Variants in ERCC6L2 observed in about 807,000 individuals in gnomAD.
ERCC6L2 encodes the protein DNA excision repair protein ERCC-6-like 2.
Under a neutral mutation model 132.0 loss-of-function variants are expected in ERCC6L2, and 77 were observed. The ratio of observed to expected loss-of-function variants is 0.58; its 90% CI spans 0.49 to 0.71. The LOEUF (loss-of-function observed/expected upper bound fraction) is 0.71. Among genes scored for constraint, ERCC6L2 ranks in the 30% least tolerant of loss-of-function variants. The pLI is 0.00. For missense variants in ERCC6L2, 1,542 were observed against 1,837.6 expected, an observed-to-expected ratio of 0.84 and a Z score of 2.94; for synonymous variants, 583 against 632.4, an observed-to-expected ratio of 0.92 and a Z score of 1.17.
At chr9:95,944,547 T>C (rs932045139) in intron 12 of ERCC6L2, among the ~76,000 whole-genome samples, 5 of 152,188 alleles carry the variant, frequency 3.3e-5, no homozygotes, top group African/African-American at 1.2e-4. Context: ...CAATTAATTT[T>C]AAAAGCCACC....
chr9:96,016,331 CCA>C lies in ERCC6L2; in HGVS notation c.*3131_*3132del, dbSNP rs1040801279. On this transcript the variant is annotated 3_prime_UTR_variant, in exon 19 of 19. Coordinates refer to ENST00000653738, the MANE Select transcript of ERCC6L2 (RefSeq NM_020207.7). Reference sequence around the variant, plus strand: ...GCTCCATGGAGCACTAATTTGAAAACCACAGAGATGAGATCATTTCTAAGAAA... The same window carrying C: ...GCTCCATGGAGCACTAATTTGAAAACCAGAGATGAGATCATTTCTAAGAAA... 2.0e-5 allele frequency among the ~76,000 whole-genome samples: 3 copies of C among 152,228 alleles called. No homozygotes were observed. Among genetic ancestry groups the C allele is most frequent in the Admixed American group, 6.5e-5 (1 of 15,282 alleles).
chr9:96,038,718 C>G (rs1334031062), intron 19 of ERCC6L2, among the ~76,000 whole-genome samples: 1 of 152,198 alleles, frequency 6.6e-6, no homozygotes, highest in Non-Finnish European at 1.5e-5. Flanking sequence ...ATGAAGTGAA[C>G]TGTGGTGGTT....
intron 12 of ERCC6L2, among the ~76,000 whole-genome samples, chr9:95,946,276 C>T (rs937267770): frequency 2.6e-5 from 4 of 152,296 alleles, no homozygotes; most frequent in Admixed American, 1.3e-4. Context: ...CACCTGTAAT[C>T]CCAGCACTTT....
chr9:95,919,667 G>A (rs754521726), intron 6 of ERCC6L2, among the ~76,000 whole-genome samples: 2 of 152,202 alleles, frequency 1.3e-5, no homozygotes, highest in African/African-American at 2.4e-5. Flanking sequence ...AGATACCGTC[G>A]TTGTTATAGA....
chr9:95,889,380 A>G (rs983550402), intron 2 of ERCC6L2, among the ~76,000 whole-genome samples: 4 of 152,174 alleles, frequency 2.6e-5, no homozygotes, highest in Non-Finnish European at 5.9e-5. Flanking sequence ...TTAAATTGTT[A>G]TGGTATCTAA....
Position 96,014,800 on chromosome 9 carries a change from G to T in ERCC6L2, c.*1597G>T, listed in dbSNP as rs180919261. On this transcript the variant is annotated 3_prime_UTR_variant, in exon 19 of 19. Transcript: ENST00000653738. ...CAGATGGTATGTTTTGCCATTGAGGGGCCTTCTACACAATGAGTGCATGAT... is the reference window on the plus strand; with the variant it reads ...CAGATGGTATGTTTTGCCATTGAGGTGCCTTCTACACAATGAGTGCATGAT... Among the ~76,000 whole-genome samples the T allele has an allele frequency of 6.6e-6, 1 of 152,012 alleles. No homozygotes were observed. Among genetic ancestry groups the T allele is most frequent in the Non-Finnish European group, 1.5e-5 (1 of 68,004 alleles).
intron 3 of ERCC6L2, among the ~76,000 whole-genome samples, chr9:95,901,710 A>G (rs1398163749): frequency 6.6e-6 from 1 of 152,212 alleles, no homozygotes; most frequent in Non-Finnish European, 1.5e-5. Context: ...CCTTCCAGGC[A>G]TTCTGCCACT....
At chr9:95,950,743 A>G (rs1334126792) in intron 12 of ERCC6L2, among the ~76,000 whole-genome samples, 1 of 152,220 alleles carries the variant, frequency 6.6e-6, no homozygotes, top group East Asian at 1.9e-4. Flanking sequence ...TAGAAGAAAG[A>G]CATTATCTGA....
rs1564276618 is a variant in ERCC6L2 at position 95,972,703 on chromosome 9, T to TTGAATTGAA, written c.2952_2953insTGAATTGAA (p.Asp984_Asp985insTer). 2 of 1,301,806 alleles carry TTGAATTGAA rather than the reference T, an allele frequency of 1.5e-6. No individual in the cohort carries two copies. The highest frequency in any genetic ancestry group is 2.0e-6 in the Non-Finnish European group (2 of 988,898). The allele number at this position is 1,301,806 out of a possible 1,614,324, so 80.6% of individuals were successfully genotyped here. On this transcript the variant is annotated stop_gained and inframe_insertion, in exon 16 of 19. Coordinates refer to ENST00000653738, the MANE Select transcript of ERCC6L2 (RefSeq NM_020207.7). LOFTEE classifies it high-confidence loss of function. ...CCAGTGATATCAGTGATGAATCTGA[T>TTGAATTGAA]GACATTGAAATTTCTTCCAAGTCAA...
intron 13 of ERCC6L2, 44 bp downstream of exon 13, chr9:95,956,057 C>A: frequency 8.3e-7 from 1 of 1,200,794 alleles, no homozygotes; most frequent in East Asian, 2.4e-5. Context: ...CAACATTTAT[C>A]TGTTTTCAAA....
At position 95,960,755 on chromosome 9, in the gene ERCC6L2, C is replaced by G. The variant is rs540635835; in HGVS notation, c.1947+4742C>G. Among the ~76,000 whole-genome samples the G allele has an allele frequency of 2.0e-5, 3 of 152,250 alleles. No individual in the cohort carries two copies. In the South Asian group the frequency reaches 6.2e-4, roughly 31 times the overall value. ...TCAAATGATCCTCCCACCTCAGCAT[C>G]CCAAGTAGCTGGAACTATAGGTGCG... is the stretch of plus-strand genomic sequence containing the variant. On this transcript the variant is annotated intron_variant, in intron 13 of 18. Transcript: ENST00000653738.
At chr9:95,921,731 GT>G (rs1160363204) in intron 7 of ERCC6L2, among the ~76,000 whole-genome samples, 3 of 151,716 alleles carry the variant, frequency 2.0e-5, no homozygotes, top group African/African-American at 7.3e-5. Flanking sequence ...CAAAGAAAGT[GT>G]TTTTTTTAAA....
In ERCC6L2 at chr9:95,966,604, T is replaced by C; in HGVS notation, c.1990T>C (p.Tyr664His). The C allele has an allele frequency of 6.5e-7, 1 of 1,530,922 alleles. No individual in the cohort carries two copies. Among genetic ancestry groups the C allele is most frequent in the Non-Finnish European group, 8.9e-7 (1 of 1,122,588 alleles). The allele number at this position is 1,530,922 out of a possible 1,614,324, so 94.8% of individuals were successfully genotyped here. ...GGTTGGAAGTGAAAATGCCAAACGA[T>C]ATTTTGAAGCAGTTCAAGGATCTAA... Reference protein sequence around the residue: ...VVVGSENAKRYFEAVQGSKEH... With the variant: ...VVVGSENAKRHFEAVQGSKEH... The change falls in exon 14 of 19, where the codon TAT becomes CAT. Residue 664 changes from tyrosine (Y) to histidine (H), a missense_variant. Coordinates refer to ENST00000653738, the MANE Select transcript of ERCC6L2 (RefSeq NM_020207.7).
intron 2 of ERCC6L2, among the ~76,000 whole-genome samples, chr9:95,891,579 G>C (rs934911498): frequency 3.3e-5 from 5 of 149,386 alleles, no homozygotes; most frequent in Non-Finnish European, 7.4e-5. Context: ...GGGTTTTATG[G>C]TAATTCAGTG....
At chr9:95,965,422 T>A (rs1832107909) in intron 13 of ERCC6L2, among the ~76,000 whole-genome samples, 1 of 152,200 alleles carries the variant, frequency 6.6e-6, no homozygotes, top group Admixed American at 6.5e-5. Flanking sequence ...GTTCAGTAAA[T>A]GGCAGCTGTT....
At chr9:95,906,017 T>C (rs925046567) in intron 3 of ERCC6L2, among the ~76,000 whole-genome samples, 3 of 152,136 alleles carry the variant, frequency 2.0e-5, no homozygotes, top group African/African-American at 2.4e-5. Flanking sequence ...AAAGTTAAAA[T>C]GGTTGATGAC....
At chr9:95,888,242 G>A (rs1356112419) in intron 2 of ERCC6L2, among the ~76,000 whole-genome samples, 4 of 152,008 alleles carry the variant, frequency 2.6e-5, no homozygotes, top group Non-Finnish European at 5.9e-5. Flanking sequence ...CTGGTCTAAG[G>A]GAAGGTTTAT....
intron 3 of ERCC6L2, among the ~76,000 whole-genome samples, chr9:95,899,600 A>ATG (rs56991965): frequency 0.11 from 15,009 of 134,704 alleles, 846 homozygotes; most frequent in African/African-American, 0.12. Context: ...TTATATATAT[A>ATG]TGTGTGTGTG....
chr9:95,909,814 T>C (rs1829258912), intron 4 of ERCC6L2, among the ~76,000 whole-genome samples: 1 of 152,228 alleles, frequency 6.6e-6, no homozygotes, highest in Non-Finnish European at 1.5e-5. Flanking sequence ...TGGAGTAGAA[T>C]TACTGTATTA....
Sources: gnomAD v4.1 joint callset for allele counts (sites outside exome capture counted in the v4.1 genomes callset) on GRCh38, gnomAD v4.1.1 for gene constraint, MANE v1.5 for transcripts, NCBI Gene and HGNC (gene_info 2026-07-23, HGNC 2026-07-21) for gene names.